Variants in MAP3K4 observed in about 807,000 individuals in gnomAD.
MAP3K4 encodes MAP three kinase 1.
In MAP3K4, 67 loss-of-function variants were observed where a neutral mutation model predicts 185.6. The observed-to-expected ratio is 0.36, with a 90% confidence interval of 0.30 to 0.44. The LOEUF (loss-of-function observed/expected upper bound fraction) is 0.44. MAP3K4 is among the 20% of genes least tolerant of loss of function. MAP3K4 has a pLI of 1.00. For synonymous variants in MAP3K4, 702 were observed against 710.4 expected (o/e 0.99, Z 0.19); for missense variants, 1,551 against 1,995.1 (o/e 0.78, Z 4.24).
At chr6:161,003,661 A>G (rs1410232884) in intron 1 of MAP3K4, among the ~76,000 whole-genome samples, 2 of 152,204 alleles carry the variant, frequency 1.3e-5, no homozygotes, top group African/African-American at 4.8e-5. Context: ...GCAGCAAGGT[A>G]GAACGAAAAC....
At chr6:161,000,143 A>C (rs1781199129) in intron 1 of MAP3K4, among the ~76,000 whole-genome samples, 1 of 152,186 alleles carries the variant, frequency 6.6e-6, no homozygotes, top group Admixed American at 6.5e-5. Context: ...CCAAAAGAAA[A>C]CAATTTTGAA....
chr6:161,021,445 C>T (rs1338540026), intron 1 of MAP3K4, among the ~76,000 whole-genome samples: 1 of 152,206 alleles, frequency 6.6e-6, no homozygotes, highest in Admixed American at 6.5e-5. Context: ...ACATGCTGTA[C>T]CTTCTGTCTT....
At chr6:161,014,913 C>A (rs1375972200) in intron 1 of MAP3K4, among the ~76,000 whole-genome samples, 1 of 152,210 alleles carries the variant, frequency 6.6e-6, no homozygotes, top group Non-Finnish European at 1.5e-5. Flanking sequence ...AACCCCCTGC[C>A]CGGTCCCCAA....
chr6:161,001,586 C>A (rs562120775), intron 1 of MAP3K4, among the ~76,000 whole-genome samples: 13 of 152,120 alleles, frequency 8.5e-5, no homozygotes, highest in Admixed American at 2.6e-4. Flanking sequence ...GCTGGGGCAT[C>A]GTCTGTTGTT....
chr6:161,090,870 C>G (rs1484722129), intron 11 of MAP3K4, among the ~76,000 whole-genome samples: 1 of 152,320 alleles, frequency 6.6e-6, no homozygotes, highest in Non-Finnish European at 1.5e-5. Flanking sequence ...CCCAGTACTT[C>G]CACTTTTTCC....
In MAP3K4 at chr6:161,097,416, A is replaced by G. The variant is rs1166146347; in HGVS notation, c.3524+240A>G. Among the ~76,000 whole-genome samples, 2 of 152,226 alleles carry G rather than the reference A, an allele frequency of 1.3e-5. No individual in the cohort carries two copies. Among genetic ancestry groups the G allele is most frequent in the East Asian group, 3.8e-4 (2 of 5,204 alleles). On this transcript the variant is annotated intron_variant, in intron 16 of 26. Transcript: ENST00000392142. The surrounding 1 kb of genome is among the most constrained non-coding windows in gnomAD (Gnocchi z 4.9). The stretch of plus-strand genomic sequence containing the variant: ...CGTTTCTCAGCTTATTTATAACCTC[A>G]AGCTACTACATGCTTTCTGGCTGTG...
intron 2 of MAP3K4, among the ~76,000 whole-genome samples, chr6:161,039,295 A>AC (rs1562497912): frequency 6.6e-6 from 1 of 151,812 alleles, no homozygotes; most frequent in African/African-American, 2.4e-5. Flanking sequence ...AAAAAAAAAA[A>AC]AAAAACATCA....
chr6:161,104,336 C>T (rs1369418916), intron 19 of MAP3K4, among the ~76,000 whole-genome samples: 3 of 151,440 alleles, frequency 2.0e-5, no homozygotes, highest in African/African-American at 7.3e-5. Flanking sequence ...ATTGCTTGAA[C>T]CCAGGAGGCA....
At position 161,070,607 on chromosome 6, in the gene MAP3K4, G is replaced by C; in HGVS notation, c.1708-1G>C. Reference sequence around the variant, plus strand: ...CTGTGCCTGTTGAATTTTTGTTATAGTTTTCTGAATTTCCAGATCCCATGT... The same window carrying C: ...CTGTGCCTGTTGAATTTTTGTTATACTTTTCTGAATTTCCAGATCCCATGT... On this transcript the variant is annotated splice_acceptor_variant, in intron 3 of 26. Coordinates refer to ENST00000392142, the MANE Select transcript of MAP3K4 (RefSeq NM_005922.4). LOFTEE classifies it high-confidence loss of function. The surrounding 1 kb of genome is among the most constrained non-coding windows in gnomAD (Gnocchi z 4.5). 1 of 1,612,148 alleles carries C rather than the reference G, an allele frequency of 6.2e-7. No homozygotes were observed. Among genetic ancestry groups the C allele is most frequent in the Non-Finnish European group, 8.5e-7 (1 of 1,179,508 alleles).
chr6:161,012,897 A>T (rs1284880000), intron 1 of MAP3K4, among the ~76,000 whole-genome samples: 1 of 152,208 alleles, frequency 6.6e-6, no homozygotes, highest in Non-Finnish European at 1.5e-5. Flanking sequence ...AACATCATTT[A>T]AAAATGGTCC....
chr6:161,068,871 G>T (rs930548112), intron 3 of MAP3K4, among the ~76,000 whole-genome samples: 4 of 152,172 alleles, frequency 2.6e-5, no homozygotes, highest in Non-Finnish European at 4.4e-5. Flanking sequence ...GATAATAGCC[G>T]TAAAAATTAG....
chr6:161,011,132 A>G (rs1173773076), intron 1 of MAP3K4, among the ~76,000 whole-genome samples: 1 of 152,224 alleles, frequency 6.6e-6, no homozygotes, highest in African/African-American at 2.4e-5. Context: ...GTGCTGTGTT[A>G]CTTCAAATGA....
At chr6:161,032,495 CAGAG>C (rs1195880138) in intron 1 of MAP3K4, among the ~76,000 whole-genome samples, 5 of 152,104 alleles carry the variant, frequency 3.3e-5, no homozygotes, top group South Asian at 2.1e-4. Context: ...TAAATGTACA[CAGAG>C]AGAAAATTTG....
chr6:161,000,824 T>C (rs1386854590), intron 1 of MAP3K4, among the ~76,000 whole-genome samples: 1 of 144,376 alleles, frequency 6.9e-6, no homozygotes, highest in African/African-American at 2.9e-5. Flanking sequence ...CACACATGTG[T>C]ATGCACACAT....
Position 161,115,386 on chromosome 6 carries a change from C to A in MAP3K4, c.4806+84C>A. On this transcript the variant is annotated intron_variant, in intron 26 of 26. Transcript: ENST00000392142. The surrounding 1 kb of genome is among the most constrained non-coding windows in gnomAD (Gnocchi z 6.0). ...TCAAGACGTTAATGAAATTTTGAAA[C>A]TTTAAAGTAGCTATATCTGAAGTGG... 7.4e-7 allele frequency: 1 copy of A among 1,343,260 alleles called. No homozygotes were observed. Among genetic ancestry groups the A allele is most frequent in the Non-Finnish European group, 1.0e-6 (1 of 981,824 alleles). The allele number at this position is 1,343,260 out of a possible 1,614,324, so 83.2% of individuals were successfully genotyped here. A position where few individuals can be genotyped will look rare whatever the true frequency, so the allele number is the denominator to read the frequency against.
chr6:161,001,603 A>T (rs1781325717), intron 1 of MAP3K4, among the ~76,000 whole-genome samples: 1 of 152,172 alleles, frequency 6.6e-6, no homozygotes, highest in Non-Finnish European at 1.5e-5. Context: ...TGTTTTGCTT[A>T]CTTTTATTGC....
At position 161,093,138 on chromosome 6, in the gene MAP3K4, A is replaced by G. The variant is rs1182036878; in HGVS notation, c.3348+82A>G. The G allele has an allele frequency of 1.1e-6, 1 of 921,868 alleles. No homozygotes were observed. Among genetic ancestry groups the G allele is most frequent in the African/African-American group, 1.7e-5 (1 of 59,240 alleles). The allele number at this position is 921,868 out of a possible 1,614,324, so 57.1% of individuals were successfully genotyped here. On this transcript the variant is annotated intron_variant, in intron 14 of 26. Coordinates refer to ENST00000392142, the MANE Select transcript of MAP3K4 (RefSeq NM_005922.4). The surrounding 1 kb of genome is among the most constrained non-coding windows in gnomAD (Gnocchi z 5.2). ...TCTGGTTGTATATGTTTTATATGTAATAGTGGTTTTTTTCATGAGATATTA... is the reference window on the plus strand; with the variant it reads ...TCTGGTTGTATATGTTTTATATGTAGTAGTGGTTTTTTTCATGAGATATTA...
rs539120035 is a variant in MAP3K4 at position 161,037,645 on chromosome 6, T to A, written c.343+3196T>A. Among the ~76,000 whole-genome samples the A allele has an allele frequency of 8.6e-5, 13 of 151,880 alleles. No homozygotes were observed. The South Asian group carries it at 2.7e-3, about 32-fold the overall frequency. On this transcript the variant is annotated intron_variant, in intron 2 of 26. Coordinates refer to ENST00000392142, the MANE Select transcript of MAP3K4 (RefSeq NM_005922.4). This position sits in a 1 kb window ranked among gnomAD's most constrained non-coding sequence, Gnocchi z 4.2. ...GTTGGCCAGGCTGGTCTCGAACTGC[T>A]GACCTCAGGTGATCCACCTGCCTCA...
chr6:161,007,835 T>C lies in MAP3K4; in HGVS notation c.152+15752T>C, dbSNP rs1781662922. On this transcript the variant is annotated intron_variant, in intron 1 of 26. Coordinates refer to ENST00000392142, the MANE Select transcript of MAP3K4 (RefSeq NM_005922.4). The surrounding 1 kb of genome is among the most constrained non-coding windows in gnomAD (Gnocchi z 4.5). The stretch of plus-strand genomic sequence containing the variant: ...TGTAATATGCAGCATAAATTTTATA[T>C]GTCACTAAGGAAAAACTGCAATGAA... Among the ~76,000 whole-genome samples, 1 of 152,218 alleles carries C rather than the reference T, an allele frequency of 6.6e-6. No individual in the cohort carries two copies. The highest frequency in any genetic ancestry group is 2.1e-4 in the South Asian group (1 of 4,832).
Sources: allele counts gnomAD v4.1 joint callset (sites outside exome capture counted in the v4.1 genomes callset), GRCh38; gene constraint gnomAD v4.1.1; non-coding constraint Gnocchi (gnomAD v3.1); transcripts MANE v1.5; gene names NCBI Gene and HGNC (gene_info 2026-07-23, HGNC 2026-07-21).